Variants in MAPK10 observed in about 807,000 individuals in gnomAD.
MAPK10 encodes mitogen-activated protein kinase 10.
In MAPK10, 25 loss-of-function variants were observed where a neutral mutation model predicts 59.3. The observed-to-expected ratio is 0.42, with a 90% CI of 0.31 to 0.59. The LOEUF is 0.59. MAPK10 is among the 20% of genes least tolerant of loss of function. The probability of loss-of-function intolerance (pLI) is 0.15; values close to 1 mark genes in which losing one functional copy is unlikely to be tolerated. For missense variants in MAPK10, 351 were observed against 568.9 expected (o/e 0.62, Z 3.90); for synonymous variants, 190 against 200.5 (o/e 0.95, Z 0.44).
chr4:86,429,348 G>C (rs1157892334), intron 1 of MAPK10, among the ~76,000 whole-genome samples: 1 of 152,046 alleles, frequency 6.6e-6, no homozygotes, highest in Non-Finnish European at 1.5e-5. Context: ...CTTAATTTTG[G>C]TTAAGCAATT....
At chr4:86,450,552 A>G (rs139509440) in intron 1 of MAPK10, among the ~76,000 whole-genome samples, 1 of 152,228 alleles carries the variant, frequency 6.6e-6, no homozygotes, top group African/African-American at 2.4e-5. Flanking sequence ...TCCTTCAATT[A>G]TCTCTGCCTC....
At chr4:86,295,464 G>A (rs192668211) in intron 2 of MAPK10, among the ~76,000 whole-genome samples, 50 of 151,868 alleles carry the variant, frequency 3.3e-4, no homozygotes, top group African/African-American at 1.1e-3. Context: ...TTTTGTCAGC[G>A]TCCCTTCCCT....
chr4:86,103,973 A>C (rs1343944675), intron 5 of MAPK10, among the ~76,000 whole-genome samples: 1 of 152,082 alleles, frequency 6.6e-6, no homozygotes, highest in Non-Finnish European at 1.5e-5. Flanking sequence ...CCAGCTAAAT[A>C]TTTGGTACTA....
intron 3 of MAPK10, among the ~76,000 whole-genome samples, chr4:86,181,074 T>G (rs761909157): frequency 6.6e-6 from 1 of 152,152 alleles, no homozygotes; most frequent in Non-Finnish European, 1.5e-5. Context: ...ATACATTATA[T>G]GTATCAAAAC....
At chr4:86,056,434 CAAATATATTTAT>C (rs1217191464) in intron 11 of MAPK10, among the ~76,000 whole-genome samples, 2 of 149,808 alleles carry the variant, frequency 1.3e-5, no homozygotes, top group Admixed American at 6.6e-5. Context: ...TAGTTATAAT[CAAATATATTTAT>C]AAGTCTATTC....
chr4:86,314,986 T>C (rs78281358), intron 2 of MAPK10, among the ~76,000 whole-genome samples: 11 of 144,436 alleles, frequency 7.6e-5, no homozygotes, highest in Non-Finnish European at 1.2e-4. Context: ...TAAATGTTTT[T>C]AATGTTTAAA....
At chr4:86,377,110 C>T (rs144079204) in intron 1 of MAPK10, among the ~76,000 whole-genome samples, 10 of 152,284 alleles carry the variant, frequency 6.6e-5, no homozygotes, top group African/African-American at 1.9e-4. Context: ...CCTGTGAGGT[C>T]GCTATCTTAA....
chr4:86,074,522 T>C (rs200219134), intron 9 of MAPK10, among the ~76,000 whole-genome samples: 33,059 of 102,714 alleles, frequency 0.32, 5,713 homozygotes, highest in African/African-American at 0.51. Context: ...GATTTTGCAG[T>C]GGCTGGTACT....
intron 1 of MAPK10, among the ~76,000 whole-genome samples, chr4:86,579,208 C>T (rs1388279478): frequency 6.6e-6 from 1 of 152,158 alleles, no homozygotes; most frequent in African/African-American, 2.4e-5. Context: ...CACTCCTTAG[C>T]CTCAGAGAAA....
At chr4:86,430,805 G>C (rs112517542) in intron 1 of MAPK10, among the ~76,000 whole-genome samples, 1 of 152,172 alleles carries the variant, frequency 6.6e-6, no homozygotes, top group Admixed American at 6.5e-5. Flanking sequence ...CTGCAAACGA[G>C]GCTACAGAGG....
At chr4:86,085,009 C>T (rs549608152) in intron 9 of MAPK10, among the ~76,000 whole-genome samples, 3 of 152,124 alleles carry the variant, frequency 2.0e-5, no homozygotes, top group Non-Finnish European at 4.4e-5. Flanking sequence ...AAGACAGTCC[C>T]TTCAATAAAT....
At chr4:86,469,081 G>A (rs984570485) in intron 1 of MAPK10, among the ~76,000 whole-genome samples, 2 of 152,048 alleles carry the variant, frequency 1.3e-5, no homozygotes, top group African/African-American at 4.8e-5. Context: ...GGCTTGTTAT[G>A]AAGGCTTGTT....
rs574093872 is a variant in MAPK10, at chr4:86,548,269, C to A, written c.-263+45641G>T. On this transcript the variant is annotated intron_variant, in intron 1 of 4. Coordinates refer to the MAPK10 transcript ENST00000502302. ...CACCACAAAGGTCCGCAGTTTCACT[C>A]CTGAGCCAGCGAGACCGCGAACCCC... Among the ~76,000 whole-genome samples the A allele has an allele frequency of 7.2e-5, 11 of 152,242 alleles. 1 individual carries two copies. The South Asian group carries it at 2.3e-3, about 32-fold the overall frequency.
chr4:86,286,674 A>G (rs1052581011), intron 2 of MAPK10, among the ~76,000 whole-genome samples: 1 of 152,180 alleles, frequency 6.6e-6, no homozygotes, highest in African/African-American at 2.4e-5. Flanking sequence ...GCCTGACTCC[A>G]GAGCTCCTGC....
rs982225658 is a variant in MAPK10, at chr4:86,353,134, T to C, written c.-7+1396A>G. Among the ~76,000 whole-genome samples the C allele has an allele frequency of 6.1e-5, 9 of 147,500 alleles. No homozygotes were observed. In the Admixed American group the frequency reaches 6.1e-4, roughly 10 times the overall value. On this transcript the variant is annotated intron_variant, in intron 2 of 13. Coordinates refer to ENST00000641462, the MANE Select transcript of MAPK10 (RefSeq NM_138982.4). ...TCTTCCTTGACTAATCTCTACCACA[T>C]CCGTGGTAGAGTCTCCTCTGATGCA...
upstream of MAPK10, chr4:86,360,057 A>T (rs1349419667): frequency 5.1e-6 from 5 of 985,744 alleles, no homozygotes; most frequent in African/African-American, 1.7e-5. Flanking sequence ...CCATTGTGGA[A>T]CCTACCAGAG....
chr4:86,408,676 T>C (rs953374262), intron 1 of MAPK10, among the ~76,000 whole-genome samples: 1 of 152,234 alleles, frequency 6.6e-6, no homozygotes, highest in African/African-American at 2.4e-5. Context: ...TTTTCATGTG[T>C]CTGTTGGCTG....
intron 2 of MAPK10, among the ~76,000 whole-genome samples, chr4:86,267,222 G>C (rs556798860): frequency 6.6e-6 from 1 of 152,278 alleles, no homozygotes; most frequent in South Asian, 2.1e-4. Context: ...ATTTCCATTT[G>C]ATTATGGAAA....
Position 86,074,659 on chromosome 4 carries a change from G to A in MAPK10, c.803-6704C>T, listed in dbSNP as rs1269811942. ...ATTTCTCCTTCACTTATGAAGCTCA[G>A]TTTGGCCTGATATGAAATTCTGGGT... On this transcript the variant is annotated intron_variant, in intron 9 of 13. Coordinates refer to ENST00000641462, the MANE Select transcript of MAPK10 (RefSeq NM_138982.4). Among the ~76,000 whole-genome samples the A allele has an allele frequency of 2.1e-4, 30 of 144,162 alleles. 2 individuals carry two copies. The highest frequency in any genetic ancestry group is 1.9e-3 in the Admixed American group (27 of 14,532). The allele number at this position is 144,162 out of a possible 152,430, so 94.6% of individuals were successfully genotyped here.
Sources: allele counts gnomAD v4.1 joint callset (sites outside exome capture counted in the v4.1 genomes callset), GRCh38; gene constraint gnomAD v4.1.1; transcripts MANE v1.5; gene names NCBI Gene and HGNC (gene_info 2026-07-23, HGNC 2026-07-21).